Variants in CFAP44 observed in about 807,000 individuals in gnomAD.
CFAP44 encodes the protein cilia- and flagella-associated protein 44.
CFAP44 carries 134 observed loss-of-function variants against 216.2 expected under a neutral mutation model. The ratio of observed to expected loss-of-function variants is 0.62; its 90% CI spans 0.54 to 0.72. CFAP44 has a LOEUF of 0.72. Ranked by LOEUF, CFAP44 falls within the 30% of genes least tolerant of loss-of-function variation. The pLI, the probability that CFAP44 is intolerant of heterozygous loss-of-function variation, is 0.00. For synonymous variants in CFAP44, 700 were observed against 727.6 expected, an observed-to-expected ratio of 0.96 and a Z score of 0.61; for missense variants, 2,035 against 2,182.1, an observed-to-expected ratio of 0.93 and a Z score of 1.34.
chr3:113,296,583 GC>G, intron 33 of CFAP44, 141 bp downstream of exon 33: 1 of 863,486 alleles, frequency 1.2e-6, no homozygotes, highest in South Asian at 1.9e-5. Context: ...CCGAGACAAG[GC>G]CTAAGATCCT....
Position 113,306,146 on chromosome 3 carries a change from G to C in CFAP44, c.4758+55C>G, listed in dbSNP as rs1041199932. Reference sequence around the variant, plus strand: ...ATTGCTATAAAAAGGCAATATTATAGCTAGGAGGATGTGTAGCATTTTGAG... The same window carrying C: ...ATTGCTATAAAAAGGCAATATTATACCTAGGAGGATGTGTAGCATTTTGAG... On this transcript the variant is annotated intron_variant, in intron 30 of 34. Coordinates refer to ENST00000393845, the MANE Select transcript of CFAP44 (RefSeq NM_001164496.2). The C allele has an allele frequency of 2.7e-6, 4 of 1,505,148 alleles. No homozygotes were observed. The highest frequency in any genetic ancestry group is 3.5e-6 in the Non-Finnish European group (4 of 1,131,774). The allele number at this position is 1,505,148 out of a possible 1,614,324, so 93.2% of individuals were successfully genotyped here. A position where few individuals can be genotyped will look rare whatever the true frequency, so the allele number is the denominator to read the frequency against.
intron 22 of CFAP44, among the ~76,000 whole-genome samples, chr3:113,353,193 C>T (rs1950461069): frequency 1.3e-5 from 2 of 152,006 alleles, no homozygotes; most frequent in African/African-American, 2.4e-5. Context: ...TGATCTATGG[C>T]ACAGGTGGCT....
intron 34 of CFAP44, among the ~76,000 whole-genome samples, chr3:113,293,030 C>G (rs936461474): frequency 4.6e-5 from 7 of 152,144 alleles, no homozygotes; most frequent in Admixed American, 4.6e-4. Context: ...AAAACCAAAG[C>G]GTGTAGTCAT....
intron 28 of CFAP44, among the ~76,000 whole-genome samples, chr3:113,322,612 G>C (rs1420573749): frequency 6.6e-6 from 1 of 152,172 alleles, no homozygotes; most frequent in African/African-American, 2.4e-5. Context: ...GGAGAAATGG[G>C]AGCACTTATA....
chr3:113,317,449 C>T (rs904388933), intron 28 of CFAP44, among the ~76,000 whole-genome samples: 1 of 152,230 alleles, frequency 6.6e-6, no homozygotes, highest in Non-Finnish European at 1.5e-5. Context: ...TCCTGCCTGC[C>T]AGTCACTGCC....
At chr3:113,385,919 T>C (rs974469433) in intron 15 of CFAP44, among the ~76,000 whole-genome samples, 4 of 152,038 alleles carry the variant, frequency 2.6e-5, no homozygotes, top group African/African-American at 9.7e-5. Flanking sequence ...GCTGAGATTA[T>C]AGGCATGAGG....
rs562880694 is a variant in CFAP44 at position 113,426,371 on chromosome 3, T to A, written c.254-94A>T. The A allele has an allele frequency of 1.3e-5, 17 of 1,340,954 alleles. No homozygotes were observed. The African/African-American group carries it at 1.9e-4, about 15-fold the overall frequency. The allele number at this position is 1,340,954 out of a possible 1,614,324, so 83.1% of individuals were successfully genotyped here. Reference sequence around the variant, plus strand: ...AATTGTAGTTCCCATAATCTCCACATGTCATGGGAGAGACCTGGTAGGAGG... The same window carrying A: ...AATTGTAGTTCCCATAATCTCCACAAGTCATGGGAGAGACCTGGTAGGAGG... On this transcript the variant is annotated intron_variant, in intron 3 of 34. Coordinates refer to ENST00000393845, the MANE Select transcript of CFAP44 (RefSeq NM_001164496.2).
chr3:113,374,481 T>C (rs990987855), intron 17 of CFAP44, among the ~76,000 whole-genome samples: 1 of 152,102 alleles, frequency 6.6e-6, no homozygotes, highest in African/African-American at 2.4e-5. Context: ...GCTAAGAAGC[T>C]GGACAAAGCT....
chr3:113,363,597 G>T, intron 19 of CFAP44, 65 bp from the exon 20 acceptor site: 1 of 1,366,844 alleles, frequency 7.3e-7, no homozygotes, highest in South Asian at 1.7e-5. Flanking sequence ...AAAATATCTA[G>T]GAAGAAGTAA....
intron 17 of CFAP44, among the ~76,000 whole-genome samples, chr3:113,376,174 A>G (rs1933339174): frequency 6.6e-6 from 1 of 152,190 alleles, no homozygotes; most frequent in Non-Finnish European, 1.5e-5. Context: ...AAGGAAAGAG[A>G]AGAATCCTTA....
intron 7 of CFAP44, among the ~76,000 whole-genome samples, chr3:113,407,436 T>A (rs2107369532): frequency 6.6e-6 from 1 of 152,336 alleles, no homozygotes; most frequent in Non-Finnish European, 1.5e-5. Flanking sequence ...CTGGCAGCTA[T>A]TGTATTAGAC....
intron 33 of CFAP44, 50 bp from the exon 34 acceptor site, chr3:113,294,871 G>C (rs777005495): frequency 1.4e-6 from 2 of 1,475,858 alleles, no homozygotes; most frequent in Admixed American, 2.5e-5. Context: ...CGAGAAGAAA[G>C]AAAGAAAAAT....
chr3:113,361,946 C>G (rs1200840666), intron 21 of CFAP44, among the ~76,000 whole-genome samples: 2 of 151,666 alleles, frequency 1.3e-5, no homozygotes, highest in Non-Finnish European at 2.9e-5. Flanking sequence ...GAAACCAGCA[C>G]AAGTGTTATA....
chr3:113,395,647 C>T (rs1345875004), intron 15 of CFAP44, 103 bp downstream of exon 15: 3 of 990,634 alleles, frequency 3.0e-6, no homozygotes, highest in Admixed American at 2.5e-5. Flanking sequence ...ACTGCAGGAA[C>T]CAGGAGTGGG....
intron 17 of CFAP44, among the ~76,000 whole-genome samples, chr3:113,373,914 G>T (rs1933254388): frequency 6.6e-6 from 1 of 152,032 alleles, no homozygotes; most frequent in South Asian, 2.1e-4. Context: ...CGTTTTTACA[G>T]CTAGTTTGCA....
chr3:113,414,054 C>T (rs1359648590), intron 6 of CFAP44, among the ~76,000 whole-genome samples: 1 of 152,154 alleles, frequency 6.6e-6, no homozygotes, highest in Non-Finnish European at 1.5e-5. Flanking sequence ...GTTTGTAGTT[C>T]TCCTTGAAGA....
chr3:113,374,415 T>C (rs1042329239), intron 17 of CFAP44, among the ~76,000 whole-genome samples: 1 of 148,564 alleles, frequency 6.7e-6, no homozygotes. Context: ...ATACTTTAAG[T>C]TCCAGGGTAC....
chr3:113,315,681 T>C (rs1314597420), intron 28 of CFAP44, among the ~76,000 whole-genome samples: 5 of 152,192 alleles, frequency 3.3e-5, no homozygotes, highest in African/African-American at 9.6e-5. Flanking sequence ...AGCTTTATGA[T>C]GGTGTGAAAG....
At chr3:113,306,633 A>G (rs770875804) in intron 29 of CFAP44, among the ~76,000 whole-genome samples, 1 of 152,190 alleles carries the variant, frequency 6.6e-6, no homozygotes, top group Non-Finnish European at 1.5e-5. Flanking sequence ...TATTATTCCC[A>G]TATATAGGTG....
Sources: allele counts gnomAD v4.1 joint callset (sites outside exome capture counted in the v4.1 genomes callset), GRCh38; gene constraint gnomAD v4.1.1; transcripts MANE v1.5; gene names NCBI Gene and HGNC (gene_info 2026-07-23, HGNC 2026-07-21).